Variants in TULP2 observed in about 807,000 individuals in gnomAD.
TULP2 encodes tubby-related protein 2.
TULP2 carries 64 observed loss-of-function variants against 60.3 expected under a neutral mutation model. That is an observed-to-expected ratio of 1.06 (90% CI 0.87 to 1.31). TULP2 has a LOEUF of 1.31. Ranked by LOEUF, TULP2 falls within the 50% of genes most tolerant of loss-of-function variation. The pLI is 0.00. For missense variants in TULP2, 652 were observed against 667.0 expected (o/e 0.98, Z 0.25); for synonymous variants, 267 against 265.4 (o/e 1.01, Z -0.06).
Position 48,897,723 on chromosome 19 carries a change from T to C in TULP2, c.32+114A>G. The C allele has an allele frequency of 8.6e-7, 1 of 1,164,008 alleles. No homozygotes were observed. Among genetic ancestry groups the C allele is most frequent in the Non-Finnish European group, 1.3e-6 (1 of 773,884 alleles). The allele number at this position is 1,164,008 out of a possible 1,614,324, so 72.1% of individuals were successfully genotyped here. On this transcript the variant is annotated intron_variant, in intron 2 of 12. Transcript: ENST00000221399. This position sits in a 1 kb window ranked among gnomAD's most constrained non-coding sequence, Gnocchi z 4.0. The stretch of plus-strand genomic sequence containing the variant: ...ACAGGAGTCCAGGTCCCCAGCCCCT[T>C]CCTGCAAGGCCGATGGTGCTGAACC...
chr19:48,897,097 C>G lies in TULP2; in HGVS notation c.84+248G>C, dbSNP rs1229159172. The stretch of plus-strand genomic sequence containing the variant: ...TAGAGACGGGGTTTCGCCGTGTTGG[C>G]CAGGCTTGTCTTGAACTCCTGACCT... On this transcript the variant is annotated intron_variant, in intron 3 of 12. Transcript: ENST00000221399. The surrounding 1 kb of genome is among the most constrained non-coding windows in gnomAD (Gnocchi z 4.0). Among the ~76,000 whole-genome samples the G allele has an allele frequency of 1.3e-5, 2 of 152,074 alleles. No homozygotes were observed. The highest frequency in any genetic ancestry group is 4.8e-5 in the African/African-American group (2 of 41,420).
At chr19:48,893,829 C>G (rs937744037) in intron 6 of TULP2, among the ~76,000 whole-genome samples, 2 of 152,172 alleles carry the variant, frequency 1.3e-5, no homozygotes, top group Non-Finnish European at 2.9e-5. Context: ...GCTGGGATTA[C>G]AGGCGTGAGC....
chr19:48,885,849 C>T (rs1400864257), intron 8 of TULP2, among the ~76,000 whole-genome samples: 1 of 152,096 alleles, frequency 6.6e-6, no homozygotes, highest in East Asian at 1.9e-4. Flanking sequence ...CGCACCACTG[C>T]ACTCCAGCCT....
Position 48,894,528 on chromosome 19 carries a change from C to T in TULP2, c.514+470G>A, listed in dbSNP as rs1013409286. Among the ~76,000 whole-genome samples, 17 of 152,114 alleles carry T rather than the reference C, an allele frequency of 1.1e-4. No individual in the cohort carries two copies. In the East Asian group the frequency reaches 3.3e-3, roughly 29 times the overall value. On this transcript the variant is annotated intron_variant, in intron 6 of 12. Transcript: ENST00000221399. ...TGGTGATGCGCACCTGTAGTCCCAG[C>T]TACTTGGGAGGCTGAGGCAGGAGAA...
At position 48,885,564 on chromosome 19, in the gene TULP2, T is replaced by C. The variant is rs757353752; in HGVS notation, c.949-4A>G. On this transcript the variant is annotated splice_region_variant and splice_polypyrimidine_tract_variant and intron_variant, in intron 8 of 12. Transcript: ENST00000221399. ...TTCGCCCAGCCAGGAGGAAGCGCTA[T>C]GGATGAGAGGAACAGTCCATTAGAA... 3 of 1,613,134 alleles carry C rather than the reference T, an allele frequency of 1.9e-6. No individual in the cohort carries two copies. In the South Asian group the frequency reaches 3.3e-5, roughly 18 times the overall value.
intron 12 of TULP2, among the ~76,000 whole-genome samples, chr19:48,881,797 C>T (rs2037135009): frequency 6.6e-6 from 1 of 152,096 alleles, no homozygotes; most frequent in Non-Finnish European, 1.5e-5. Context: ...GGATTATAAG[C>T]GGGAGCTACC....
chr19:48,888,633 ATTT>A (rs1041040939), intron 7 of TULP2, among the ~76,000 whole-genome samples: 20 of 151,966 alleles, frequency 1.3e-4, no homozygotes, highest in African/African-American at 4.8e-4. Flanking sequence ...CTTTTCTTTT[ATTT>A]TTTAAGACAG....
intron 6 of TULP2, among the ~76,000 whole-genome samples, chr19:48,892,635 C>A (rs945985929): frequency 6.6e-6 from 1 of 151,718 alleles, no homozygotes; most frequent in East Asian, 1.9e-4. Flanking sequence ...TCCCGAATAG[C>A]TGGGACTACA....
rs765767586 is a variant in TULP2 at position 48,883,781 on chromosome 19, G to A, written c.1248C>T (p.Asn416=). 6.2e-7 allele frequency: 1 copy of A among 1,614,082 alleles called. No individual in the cohort carries two copies. The highest frequency in any genetic ancestry group is 2.2e-5 in the East Asian group (1 of 44,876). ...TTAGTGGCTGGACATTGATTCGCTG[G>A]TTCTGGCTGTTGGTTCCTGGGAGAA... is the stretch of plus-strand genomic sequence containing the variant. ...TVILPGTNSQ[N]QRINVQPLNE... is the part of the protein sequence containing the mutation. The change falls in exon 11 of 13, where the codon AAC becomes AAT. Residue 416 remains asparagine, a synonymous_variant. Coordinates refer to ENST00000221399, the MANE Select transcript of TULP2 (RefSeq NM_003323.3).
intron 6 of TULP2, among the ~76,000 whole-genome samples, chr19:48,892,627 C>T (rs1382606719): frequency 6.6e-6 from 1 of 151,898 alleles, no homozygotes; most frequent in African/African-American, 2.4e-5. Context: ...CCTCAGCCTC[C>T]CGAATAGCTG....
At position 48,897,769 on chromosome 19, in the gene TULP2, C is replaced by T. The variant is rs2037295433; in HGVS notation, c.32+68G>A. The T allele has an allele frequency of 1.3e-6, 2 of 1,543,236 alleles. No individual in the cohort carries two copies. Among genetic ancestry groups the T allele is most frequent in the Middle Eastern group, 1.7e-4 (1 of 5,948 alleles). On this transcript the variant is annotated intron_variant, in intron 2 of 12. Transcript: ENST00000221399. The surrounding 1 kb of genome is among the most constrained non-coding windows in gnomAD (Gnocchi z 4.0). ...GAACCTGCAAACATGGTTATGAAGCCAGAGCCGAGTGCACGGGGTCCCCAG... is the reference window on the plus strand; with the variant it reads ...GAACCTGCAAACATGGTTATGAAGCTAGAGCCGAGTGCACGGGGTCCCCAG...
intron 6 of TULP2, among the ~76,000 whole-genome samples, chr19:48,891,619 C>A (rs1210765461): frequency 6.6e-6 from 1 of 152,170 alleles, no homozygotes; most frequent in African/African-American, 2.4e-5. Context: ...GGGGGCCTGC[C>A]CCTCCACACC....
chr19:48,885,839 C>T (rs1297416696), intron 8 of TULP2, among the ~76,000 whole-genome samples: 3 of 151,936 alleles, frequency 2.0e-5, no homozygotes, highest in African/African-American at 7.3e-5. Flanking sequence ...GAGCTGAGAT[C>T]GCACCACTGC....
In TULP2 at chr19:48,889,379, T is replaced by G. The variant is rs2037212166; in HGVS notation, c.636+131A>C. On this transcript the variant is annotated intron_variant, in intron 7 of 12. Transcript: ENST00000221399. ...GCACGCACGCACGCACACACACAAG[T>G]CTCTGCCAGCTTAATCACCACCAGG... 5 of 1,451,274 alleles carry G rather than the reference T, an allele frequency of 3.4e-6. No homozygotes were observed. The Admixed American group carries it at 1.0e-4, about 30-fold the overall frequency. 89.9% of individuals were successfully genotyped at this position (1,451,274 alleles called of 1,614,324 possible). A position where few individuals can be genotyped will look rare whatever the true frequency, so the allele number is the denominator to read the frequency against.
intron 11 of TULP2, 98 bp from the exon 12 acceptor site, chr19:48,882,301 G>C: frequency 7.3e-7 from 1 of 1,361,916 alleles, no homozygotes. Flanking sequence ...ACTCCATCTT[G>C]AACAGGGGCT....
chr19:48,887,337 T>TTTTTTTTTTTTTTTTTTTTTTTTTC (rs2037189940), intron 8 of TULP2, among the ~76,000 whole-genome samples: 1 of 96,792 alleles, frequency 1.0e-5, no homozygotes, highest in Non-Finnish European at 2.0e-5. Context: ...TTTTTTTTTT[T>TTTTTTTTTTTTTTTTTTTTTTTTTC]TTTTTTATGC....
intron 8 of TULP2, among the ~76,000 whole-genome samples, chr19:48,887,719 G>A (rs1341529158): frequency 3.9e-5 from 6 of 151,928 alleles, no homozygotes; most frequent in South Asian, 2.1e-4. Flanking sequence ...CACCACTCCC[G>A]GCTAATTTTT....
In TULP2 at chr19:48,897,267, G is replaced by A; in HGVS notation, c.84+78C>T. 1 of 1,506,512 alleles carries A rather than the reference G, an allele frequency of 6.6e-7. No individual in the cohort carries two copies. Among genetic ancestry groups the A allele is most frequent in the African/African-American group, 1.4e-5 (1 of 72,500 alleles). 93.3% of individuals were successfully genotyped at this position (1,506,512 alleles called of 1,614,324 possible). On this transcript the variant is annotated intron_variant, in intron 3 of 12. Transcript: ENST00000221399. The surrounding 1 kb of genome is among the most constrained non-coding windows in gnomAD (Gnocchi z 4.0). ...GCCAACACGGGCTGGGAGTCCTAGA[G>A]CAAGACCTGGTGGAGAGGCCCCTGG... is the stretch of plus-strand genomic sequence containing the variant.
Position 48,897,808 on chromosome 19 carries a change from C to G in TULP2, c.32+29G>C. On this transcript the variant is annotated intron_variant, in intron 2 of 12. Transcript: ENST00000221399. This position sits in a 1 kb window ranked among gnomAD's most constrained non-coding sequence, Gnocchi z 4.0. Reference sequence around the variant, plus strand: ...CGGGGTCCCCAGCCCTTTCCACCTCCACCCCTACCCATCTGTTTCCCTACT... The same window carrying G: ...CGGGGTCCCCAGCCCTTTCCACCTCGACCCCTACCCATCTGTTTCCCTACT... The G allele has an allele frequency of 6.2e-7, 1 of 1,613,330 alleles. No individual in the cohort carries two copies. The highest frequency in any genetic ancestry group is 1.1e-5 in the South Asian group (1 of 91,012).
Sources: allele counts gnomAD v4.1 joint callset (sites outside exome capture counted in the v4.1 genomes callset), GRCh38; gene constraint gnomAD v4.1.1; non-coding constraint Gnocchi (gnomAD v3.1); transcripts MANE v1.5; gene names NCBI Gene and HGNC (gene_info 2026-07-23, HGNC 2026-07-21).